Variants in ZNF674 observed in about 807,000 individuals in gnomAD.
The protein encoded by ZNF674 is zinc finger protein 674, also known as zinc finger family member 674.
Under a neutral mutation model 7.0 loss-of-function variants are expected in ZNF674, and 2 were observed. The observed-to-expected ratio is 0.29, with a 90% CI of 0.12 to 0.90. ZNF674 has a LOEUF of 0.90. ZNF674 is among the 40% of genes least tolerant of loss of function. ZNF674 has a pLI of 0.57. For missense variants in ZNF674, 297 were observed against 415.5 expected, an observed-to-expected ratio of 0.71 and a Z score of 2.48; for synonymous variants, 103 against 145.2, an observed-to-expected ratio of 0.71 and a Z score of 2.09.
At chrX:46,504,220 G>C (rs1316846833) in intron 5 of ZNF674, among the ~76,000 whole-genome samples, 1 of 111,849 alleles carries the variant, frequency 8.9e-6, no homozygotes, top group African/African-American at 3.2e-5. Flanking sequence ...TATGGAAAGT[G>C]AACTATGACA....
At position 46,500,597 on chromosome X, in the gene ZNF674, ATG is replaced by A. The variant is rs778073001; in HGVS notation, c.975_976del (p.Ile326Ter). 5.0e-5 allele frequency: 61 copies of A among 1,209,643 alleles called. No individual in the cohort carries two copies. In the Middle Eastern group the frequency reaches 1.4e-3, roughly 27 times the overall value. ...AATACCTTTATAAAATGCTTGTCTA[ATG>A]TGTGTTTTTTCATGTCTAATAAGAT... is the stretch of plus-strand genomic sequence containing the variant. On this transcript the variant is annotated frameshift_variant, in exon 6 of 6. Transcript: ENST00000683375. LOFTEE classifies it low-confidence loss of function (END_TRUNC).
At chrX:46,525,636 A>T (rs1035129709) in intron 5 of ZNF674, among the ~76,000 whole-genome samples, 2 of 110,442 alleles carry the variant, frequency 1.8e-5, no homozygotes, top group African/African-American at 6.6e-5. Context: ...AAGAGGGCAA[A>T]AAAAGAAGTA....
At chrX:46,504,499 C>T (rs187534612) in intron 5 of ZNF674, among the ~76,000 whole-genome samples, 63 of 110,309 alleles carry the variant, frequency 5.7e-4, no homozygotes, top group African/African-American at 1.8e-3. Context: ...CCTGCTACCA[C>T]GCCTGGCTAA....
rs755777788 is a variant in ZNF674, at chrX:46,502,305, C to CAAAAAAAAAA, written c.239-980_239-971dup. 2.4e-4 allele frequency among the ~76,000 whole-genome samples: 17 copies of CAAAAAAAAAA among 70,803 alleles called. 1 individual carries two copies. Among genetic ancestry groups the CAAAAAAAAAA allele is most frequent in the African/African-American group, 8.5e-4 (14 of 16,544 alleles). The allele number at this position is 70,803 out of a possible 115,157, so 61.5% of individuals were successfully genotyped here. ...TAGGTGACAGAGCAAGACTCCGTCTCAAAAAAAAAAAAAGAAAAGAAAATT... is the reference window on the plus strand; with the variant it reads ...TAGGTGACAGAGCAAGACTCCGTCTCAAAAAAAAAAAAAAAAAAAAAAAGAAAAGAAAATT... On this transcript the variant is annotated intron_variant, in intron 5 of 5. Coordinates refer to ENST00000683375, the MANE Select transcript of ZNF674 (RefSeq NM_001190417.2).
intron 5 of ZNF674, among the ~76,000 whole-genome samples, chrX:46,501,695 T>C (rs1941434698): frequency 9.2e-6 from 1 of 108,907 alleles, no homozygotes; most frequent in South Asian, 3.9e-4. Context: ...TGTATACATA[T>C]ATGAAAGGTT....
intron 5 of ZNF674, among the ~76,000 whole-genome samples, chrX:46,526,556 G>A (rs1034876373): frequency 1.8e-5 from 2 of 111,280 alleles, no homozygotes; most frequent in Admixed American, 1.9e-4. Context: ...TGGATTACAA[G>A]TCTGAGTCAC....
At position 46,498,092 on chromosome X, in the gene ZNF674, TATA is replaced by T. The variant is rs1364947342; in HGVS notation, c.*1748_*1750del. On this transcript the variant is annotated 3_prime_UTR_variant, in exon 6 of 6. Transcript: ENST00000683375. ...AATATTAATCATATGGTTATTGTTT[TATA>T]ATATTTTTTACCTAATGATTTACCA... 1.8e-5 allele frequency: 2 copies of T among 111,508 alleles called. No homozygotes were observed. The highest frequency in any genetic ancestry group is 3.8e-5 in the Non-Finnish European group (2 of 53,090). 9.2% of individuals were successfully genotyped at this position (111,508 alleles called of 1,213,427 possible).
In ZNF674 at chrX:46,526,612, TCAACAACAA is replaced by T. The variant is rs199879950; in HGVS notation, c.238+1729_238+1737del. Among the ~76,000 whole-genome samples the T allele has an allele frequency of 8.1e-3, 891 of 110,444 alleles. 8 individuals are homozygous for T. The highest frequency in any genetic ancestry group is 0.031 in the South Asian group (80 of 2,604). The stretch of plus-strand genomic sequence containing the variant: ...TTATCAGCAACGATGGCAAAGTAAG[TCAACAACAA>T]CAACAACAACGAAGAGTATTTTCAA... On this transcript the variant is annotated intron_variant, in intron 5 of 5. Coordinates refer to ENST00000683375, the MANE Select transcript of ZNF674 (RefSeq NM_001190417.2).
At chrX:46,526,147 C>G (rs1330591334) in intron 5 of ZNF674, among the ~76,000 whole-genome samples, 1 of 111,751 alleles carries the variant, frequency 8.9e-6, no homozygotes, top group East Asian at 2.8e-4. Flanking sequence ...ATACCAAGGA[C>G]CTAGAATAGG....
At chrX:46,504,653 T>C (rs2146589956) in intron 5 of ZNF674, among the ~76,000 whole-genome samples, 1 of 109,798 alleles carries the variant, frequency 9.1e-6, no homozygotes, top group African/African-American at 3.3e-5. Flanking sequence ...AAGATTCCTA[T>C]AATTTGAGTG....
In ZNF674 at chrX:46,521,601, G is replaced by C. The variant is rs1194451607; in HGVS notation, c.238+6749C>G. Among the ~76,000 whole-genome samples, 3 of 106,134 alleles carry C rather than the reference G, an allele frequency of 2.8e-5. No homozygotes were observed. The Admixed American group carries it at 3.1e-4, about 11-fold the overall frequency. The allele number at this position is 106,134 out of a possible 115,157, so 92.2% of individuals were successfully genotyped here. On this transcript the variant is annotated intron_variant, in intron 5 of 5. Coordinates refer to ENST00000683375, the MANE Select transcript of ZNF674 (RefSeq NM_001190417.2). ...AAGAAAATAGTACTATGGGCCGGGC[G>C]CAGTGGTTCACACCTGTCATCCCAG... is the stretch of plus-strand genomic sequence containing the variant.
intron 3 of ZNF674, among the ~76,000 whole-genome samples, chrX:46,537,447 G>A (rs1481198088): frequency 8.9e-6 from 1 of 111,742 alleles, no homozygotes. Context: ...CAGTAGAAGG[G>A]CTGAGACTGG....
At chrX:46,528,538 C>T (rs189261220) in intron 4 of ZNF674, 93 bp from the exon 5 acceptor site, 191 of 1,024,588 alleles carry the variant, frequency 1.9e-4, no homozygotes, top group Non-Finnish European at 1.2e-4. Context: ...GGCACGGCCT[C>T]GGTGATGGCC....
chrX:46,529,833 A>G (rs1246930886), intron 3 of ZNF674, among the ~76,000 whole-genome samples: 2 of 111,679 alleles, frequency 1.8e-5, no homozygotes, highest in African/African-American at 6.5e-5. Context: ...CCACAAAGGA[A>G]GAAGTCAATT....
At chrX:46,504,525 T>C (rs760192295) in intron 5 of ZNF674, among the ~76,000 whole-genome samples, 2 of 110,476 alleles carry the variant, frequency 1.8e-5, no homozygotes, top group Non-Finnish European at 3.8e-5. Flanking sequence ...GTATTTTTAG[T>C]AGAGACGGGA....
intron 5 of ZNF674, among the ~76,000 whole-genome samples, chrX:46,513,926 G>T (rs1941711483): frequency 9.0e-6 from 1 of 110,579 alleles, no homozygotes; most frequent in African/African-American, 3.3e-5. Context: ...TTAGCCAGGT[G>T]TCGTGGCATG....
Position 46,499,717 on chromosome X carries a change from A to G in ZNF674, c.*126T>C. The G allele has an allele frequency of 1.9e-6, 1 of 513,076 alleles. No individual in the cohort carries two copies. The highest frequency in any genetic ancestry group is 3.0e-6 in the Non-Finnish European group (1 of 337,448). The allele number at this position is 513,076 out of a possible 1,213,427, so 42.3% of individuals were successfully genotyped here. A position where few individuals can be genotyped will look rare whatever the true frequency, so the allele number is the denominator to read the frequency against. On this transcript the variant is annotated 3_prime_UTR_variant, in exon 6 of 6. Transcript: ENST00000683375. ...TATTAAGTTAAATGAACATTAACAT[A>G]TGAAGAATTTCCAATATTCTGGACA...
At chrX:46,524,702 A>G (rs928124868) in intron 5 of ZNF674, among the ~76,000 whole-genome samples, 10 of 106,750 alleles carry the variant, frequency 9.4e-5, no homozygotes, top group Non-Finnish European at 1.7e-4. Flanking sequence ...AAAAAAGAAA[A>G]AAAAAAAAAA....
intron 2 of ZNF674, among the ~76,000 whole-genome samples, chrX:46,542,661 A>G (rs768508724): frequency 6.2e-4 from 69 of 111,485 alleles, no homozygotes; most frequent in Admixed American, 2.9e-4. Flanking sequence ...TTAGTGAGCC[A>G]TGATCACGTC....
Sources: allele counts gnomAD v4.1 joint callset (sites outside exome capture counted in the v4.1 genomes callset), GRCh38; gene constraint gnomAD v4.1.1; transcripts MANE v1.5; gene names NCBI Gene and HGNC (gene_info 2026-07-23, HGNC 2026-07-21).